The following MICAL2 variants were observed in gnomAD, a reference collection of about 807,000 sequenced individuals.
The protein encoded by MICAL2 is [F-actin]-monooxygenase MICAL2.
MICAL2 carries 77 observed loss-of-function variants against 127.3 expected under a neutral mutation model. The ratio of observed to expected loss-of-function variants is 0.60; its 90% CI spans 0.50 to 0.73. The LOEUF (loss-of-function observed/expected upper bound fraction) is 0.73, where lower values mean the gene tolerates loss of function less well. MICAL2 is among the 30% of genes least tolerant of loss of function. MICAL2 has a pLI of 0.00. For synonymous variants in MICAL2, 570 were observed against 551.1 expected, an observed-to-expected ratio of 1.03 and a Z score of -0.48; for missense variants, 1,351 against 1,434.4, an observed-to-expected ratio of 0.94 and a Z score of 0.94.
In MICAL2 at chr11:12,166,798, G is replaced by A. The variant is rs116874183; in HGVS notation, c.264+4379G>A. Among the ~76,000 whole-genome samples the A allele has an allele frequency of 1.7e-4, 26 of 152,182 alleles. No individual in the cohort carries two copies. The East Asian group carries it at 4.6e-3, about 27-fold the overall frequency. On this transcript the variant is annotated intron_variant, in intron 3 of 27. Coordinates refer to ENST00000683283, the MANE Select transcript of MICAL2 (RefSeq NM_001282663.2). ...AAAAGCAAATGACTGACTGTGACAG[G>A]GGTAGTCTGGGAACGCTTCCTGGAA...
At chr11:12,225,490 CT>C (rs879714093) in intron 13 of MICAL2, 390 of 144,580 alleles carry the variant, frequency 2.7e-3, no homozygotes, top group Non-Finnish European at 2.4e-3. Context: ...GATGGACCGT[CT>C]TTTTTTTTTT....
Position 12,329,715 on chromosome 11 carries a change from A to G in MICAL2, c.5515+2449A>G, listed in dbSNP as rs1864392866. ...CCTAGGTTGTAGGCATTTAGTAAACACTACTCATATCATTTTACAAAATAT... is the reference window on the plus strand; with the variant it reads ...CCTAGGTTGTAGGCATTTAGTAAACGCTACTCATATCATTTTACAAAATAT... On this transcript the variant is annotated intron_variant, in intron 32 of 34. Coordinates refer to the MICAL2 transcript ENST00000646065. Among the ~76,000 whole-genome samples, 5 of 152,208 alleles carry G rather than the reference A, an allele frequency of 3.3e-5. No individual in the cohort carries two copies. In the South Asian group the frequency reaches 1.0e-3, roughly 32 times the overall value.
intron 1 of MICAL2, among the ~76,000 whole-genome samples, chr11:12,123,729 C>T (rs567776278): frequency 7.2e-5 from 11 of 152,198 alleles, no homozygotes; most frequent in East Asian, 3.9e-4. Flanking sequence ...CAGTGAAATA[C>T]GTTATTTAAA....
chr11:12,348,483 A>G (rs572737280), intron 32 of MICAL2, among the ~76,000 whole-genome samples: 1 of 152,158 alleles, frequency 6.6e-6, no homozygotes, highest in African/African-American at 2.4e-5. Context: ...GGGTCCTAGA[A>G]CTAGTCCTCC....
intron 12 of MICAL2, 144 bp from the exon 13 acceptor site, chr11:12,224,529 C>A (rs989965687): frequency 2.0e-6 from 2 of 1,022,562 alleles, no homozygotes; most frequent in Admixed American, 5.0e-5. Flanking sequence ...GAGCTGCACC[C>A]GTGCCAGTGG....
upstream of MICAL2, among the ~76,000 whole-genome samples, chr11:12,275,093 C>T (rs78148289): frequency 7.6e-3 from 1,154 of 152,178 alleles, 15 homozygotes; most frequent in African/African-American, 0.027. Flanking sequence ...GAATGAAGAA[C>T]GAAAGGACAA....
At chr11:12,358,280 CT>C (rs778927870) in intron 34 of MICAL2, 7 of 1,601,992 alleles carry the variant, frequency 4.4e-6, no homozygotes, top group Non-Finnish European at 6.0e-6. Context: ...CAGTGGTTTT[CT>C]TTTTTTTCTT....
chr11:12,164,531 T>C (rs1046734910), intron 3 of MICAL2, among the ~76,000 whole-genome samples: 1 of 152,198 alleles, frequency 6.6e-6, no homozygotes, highest in African/African-American at 2.4e-5. Flanking sequence ...GTCCTGACCT[T>C]AACTTGGGTG....
At chr11:12,265,594 G>A (rs1229658931), downstream of MICAL2, among the ~76,000 whole-genome samples, 1 of 152,114 alleles carries the variant, frequency 6.6e-6, no homozygotes, top group Admixed American at 6.5e-5. Context: ...TAACAAAGAA[G>A]TTCATTGCAT....
chr11:12,218,159 G>A (rs1239482848), intron 8 of MICAL2, among the ~76,000 whole-genome samples: 1 of 152,116 alleles, frequency 6.6e-6, no homozygotes, highest in Non-Finnish European at 1.5e-5. Context: ...CATGGCTACC[G>A]AAGGAAGAGT....
At chr11:12,117,147 C>T (rs762539967) in intron 1 of MICAL2, among the ~76,000 whole-genome samples, 17 of 152,168 alleles carry the variant, frequency 1.1e-4, no homozygotes, top group Admixed American at 3.9e-4. Context: ...GCAGAAGAAC[C>T]GGAGCTGTGC....
chr11:12,292,434 G>A (rs1347382001), downstream of MICAL2: 3 of 925,360 alleles, frequency 3.2e-6, no homozygotes, highest in African/African-American at 1.7e-5. Context: ...AAGATACTCT[G>A]TCAAGGGTCT....
chr11:12,137,551 C>T (rs9971381), intron 1 of MICAL2, among the ~76,000 whole-genome samples: 63,110 of 151,986 alleles, frequency 0.42, 13,488 homozygotes, highest in African/African-American at 0.51. Context: ...AGTCCCATCT[C>T]CCAGCACTCT....
intron 1 of MICAL2, among the ~76,000 whole-genome samples, chr11:12,136,621 AG>A (rs1483398435): frequency 6.6e-6 from 1 of 152,200 alleles, no homozygotes; most frequent in Non-Finnish European, 1.5e-5. Flanking sequence ...GAGGGAACAG[AG>A]GCCCTGACCC....
At chr11:12,124,915 C>T (rs112827115) in intron 1 of MICAL2, among the ~76,000 whole-genome samples, 13 of 152,348 alleles carry the variant, frequency 8.5e-5, no homozygotes, top group African/African-American at 3.1e-4. Flanking sequence ...GTTTTTCCTC[C>T]ACAGTTCCTG....
At chr11:12,258,692 C>A in intron 25 of MICAL2, 136 bp downstream of exon 25, 1 of 759,578 alleles carries the variant, frequency 1.3e-6, no homozygotes, top group Non-Finnish European at 2.1e-6. Context: ...AAAGCCTCTG[C>A]TTCCTGGTGT....
intron 23 of MICAL2, chr11:12,255,958 T>C (rs1862275267): frequency 5.8e-6 from 3 of 515,672 alleles, no homozygotes; most frequent in African/African-American, 3.8e-5. Flanking sequence ...TCCCCTGTGG[T>C]CTTTTTGAAA....
downstream of MICAL2, among the ~76,000 whole-genome samples, chr11:12,290,693 G>A (rs1260926827): frequency 6.6e-6 from 1 of 152,204 alleles, no homozygotes; most frequent in Non-Finnish European, 1.5e-5. Flanking sequence ...TCTGTTCCCA[G>A]AATTACCTTT....
chr11:12,329,862 G>GAAA (rs59395634), intron 32 of MICAL2, among the ~76,000 whole-genome samples: 62 of 121,944 alleles, frequency 5.1e-4, no homozygotes, highest in African/African-American at 1.6e-3. Flanking sequence ...CCCCAAATAT[G>GAAA]AAAAAAAAAA....
Sources: allele counts gnomAD v4.1 joint callset (sites outside exome capture counted in the v4.1 genomes callset), GRCh38; gene constraint gnomAD v4.1.1; transcripts MANE v1.5; gene names NCBI Gene and HGNC (gene_info 2026-07-23, HGNC 2026-07-21).